Variants in POM121 observed in about 807,000 individuals in gnomAD.
The protein encoded by POM121 is nuclear envelope pore membrane protein POM 121.
Under a neutral mutation model 81.3 loss-of-function variants are expected in POM121, and 32 were observed. The observed-to-expected ratio is 0.39, with a 90% CI of 0.30 to 0.53. The LOEUF (loss-of-function observed/expected upper bound fraction) is 0.53. Ranked by LOEUF, POM121 falls within the 20% of genes least tolerant of loss-of-function variation. The pLI is 0.66. For missense variants in POM121, 1,138 were observed against 1,614.6 expected (o/e 0.70, Z 5.06); for synonymous variants, 514 against 694.2 (o/e 0.74, Z 4.08).
intron 3 of POM121, among the ~76,000 whole-genome samples, chr7:72,906,929 A>G (rs1360505406): frequency 4.0e-5 from 6 of 151,708 alleles, no homozygotes; most frequent in Admixed American, 6.6e-5. Context: ...ACACTTGGCC[A>G]TGAGTCATTT....
intron 3 of POM121, among the ~76,000 whole-genome samples, chr7:72,913,268 G>A (rs1407175930): frequency 5.9e-5 from 9 of 152,208 alleles, no homozygotes; most frequent in African/African-American, 9.7e-5. Context: ...GTGGACTTGC[G>A]GGGTCTCCCC....
rs782044453 is a variant in POM121 at position 72,926,333 on chromosome 7, A to G, written c.716A>G (p.Tyr239Cys). The G allele has an allele frequency of 1.9e-6, 3 of 1,612,060 alleles. No homozygotes were observed. The highest frequency in any genetic ancestry group is 1.3e-5 in the African/African-American group (1 of 74,864). Residue 239 changes from tyrosine (Y) to cysteine (C), a missense_variant, in exon 2 of 13, where the codon TAT (tyrosine) becomes TGT (cysteine). Around this residue, in one of 7 missense-constraint regions of POM121, gnomAD observed 646 missense variants for 633.5 expected, o/e 1.02. Transcript: ENST00000434423. ...RRRYPIHQAQ[Y>C]SCLGVLPTVC... ...CGCTATCCGATCCATCAGGCCCAGT[A>G]TTCCTGTCTGGGGGTACTTCCCACC... is the stretch of plus-strand genomic sequence containing the variant.
intron 12 of POM121, 150 bp from the exon 13 acceptor site, chr7:72,945,987 T>C (rs1386881456): frequency 2.6e-4 from 367 of 1,434,290 alleles, no homozygotes; most frequent in Non-Finnish European, 3.1e-4. Context: ...TCAGGAGGCT[T>C]CTCCCGTACA....
chr7:72,927,641 C>T (rs1408714688), intron 3 of POM121, among the ~76,000 whole-genome samples: 4 of 151,154 alleles, frequency 2.6e-5, no homozygotes, highest in East Asian at 3.9e-4. Flanking sequence ...ACCCAGGAGG[C>T]GGAGGTTGCA....
chr7:72,913,852 C>G (rs1356711642), intron 4 of POM121: 1 of 152,278 alleles, frequency 6.6e-6, no homozygotes, highest in African/African-American at 2.4e-5. Context: ...CCATCCTGCG[C>G]TTCCATGACA....
chr7:72,925,187 C>G lies in POM121; in HGVS notation c.66C>G (p.Asp22Glu). ...ERRRPIASVR[D>E]GRGRGCGGPA... ...GGCGGCCCATAGCGAGTGTCAGGGACGGCCGGGGCCGGGGCTGCGGCGGGC... is the reference window on the plus strand; with the variant it reads ...GGCGGCCCATAGCGAGTGTCAGGGAGGGCCGGGGCCGGGGCTGCGGCGGGC... The change falls in exon 1 of 13, where the codon GAC becomes GAG. Residue 22 changes from aspartate (D) to glutamate (E), a missense_variant. Asp to Glu is a conservative substitution (Grantham distance 45, BLOSUM62 2). This residue lies in a region of POM121 where 646 missense variants were observed against 633.5 expected (regional missense o/e 1.02). Transcript: ENST00000434423. 1 of 1,516,600 alleles carries G rather than the reference C, an allele frequency of 6.6e-7. No homozygotes were observed. Among genetic ancestry groups the G allele is most frequent in the South Asian group, 1.2e-5 (1 of 82,130 alleles). The allele number at this position is 1,516,600 out of a possible 1,614,324, so 93.9% of individuals were successfully genotyped here.
chr7:72,894,365 G>A (rs1791638620), intron 3 of POM121, among the ~76,000 whole-genome samples: 1 of 152,138 alleles, frequency 6.6e-6, no homozygotes, highest in Middle Eastern at 3.4e-3. Flanking sequence ...ATCACCTGAG[G>A]TCAGAAGTTC....
chr7:72,939,135 G>C (rs2429276), intron 6 of POM121, among the ~76,000 whole-genome samples: 1 of 152,228 alleles, frequency 6.6e-6, no homozygotes, highest in Non-Finnish European at 1.5e-5. Flanking sequence ...TAAGACAAAA[G>C]CTGTCTTCAT....
At chr7:72,949,268 C>T (rs1554504240), downstream of POM121, 1 of 833,172 alleles carries the variant, frequency 1.2e-6, no homozygotes, top group Non-Finnish European at 2.1e-6. Flanking sequence ...GTCTAAGCTG[C>T]TGTGGACCTC....
chr7:72,933,640 T>C (rs1322137723), intron 5 of POM121, among the ~76,000 whole-genome samples: 1 of 152,168 alleles, frequency 6.6e-6, no homozygotes, highest in African/African-American at 2.4e-5. Flanking sequence ...TTGGTACAGC[T>C]CTCTAGAGGG....
At position 72,942,266 on chromosome 7, in the gene POM121, C is replaced by A; in HGVS notation, c.2273C>A (p.Ser758Tyr). 2.5e-6 allele frequency: 4 copies of A among 1,608,168 alleles called. No individual in the cohort carries two copies. Among genetic ancestry groups the A allele is most frequent in the Non-Finnish European group, 3.4e-6 (4 of 1,179,714 alleles). ...GTCACAGCCACAGCGCCCTCCAGCT[C>A]CTCCCTCCCCACGACCACCAGCACC... ...PSVTATAPSSSSLPTTTSTTA... is the reference protein window; with the variant it reads ...PSVTATAPSSYSLPTTTSTTA... Residue 758 changes from serine (S) to tyrosine (Y), a missense_variant, in exon 11 of 13, where the codon TCC becomes TAC. Physicochemically the swap from Ser to Tyr is moderately radical, Grantham distance 144 (BLOSUM62 -2). This residue lies in a region of POM121 where 37 missense variants were observed against 62.8 expected (regional missense o/e 0.59). Coordinates refer to ENST00000434423, the MANE Select transcript of POM121 (RefSeq NM_001387691.1).
chr7:72,928,631 TTCTG>T (rs782387739), intron 4 of POM121, among the ~76,000 whole-genome samples, 166 bp downstream of exon 4: 19 of 152,278 alleles, frequency 1.2e-4, no homozygotes, highest in Non-Finnish European at 1.9e-4. Flanking sequence ...GTTAACTGCC[TTCTG>T]TCTAATTCCT....
At chr7:72,894,043 G>A (rs1342775801) in intron 3 of POM121, among the ~76,000 whole-genome samples, 2 of 152,046 alleles carry the variant, frequency 1.3e-5, no homozygotes, top group African/African-American at 4.8e-5. Context: ...AGGCTGAGGC[G>A]GGTGGATCAC....
At chr7:72,938,766 C>G (rs1796772684) in intron 6 of POM121, 85 bp downstream of exon 6, 22 of 1,430,872 alleles carry the variant, frequency 1.5e-5, no homozygotes, top group Non-Finnish European at 2.0e-5. Context: ...GGCTCTTAGG[C>G]TTTGTGCTGC....
Position 72,948,005 on chromosome 7 carries a change from G to A in POM121, c.*1771G>A, listed in dbSNP as rs1402895820. 3.5e-6 allele frequency: 4 copies of A among 1,130,060 alleles called. No individual in the cohort carries two copies. In the Admixed American group the frequency reaches 1.8e-4, roughly 50 times the overall value. The allele number at this position is 1,130,060 out of a possible 1,614,324, so 70.0% of individuals were successfully genotyped here. A position where few individuals can be genotyped will look rare whatever the true frequency, so the allele number is the denominator to read the frequency against. The stretch of plus-strand genomic sequence containing the variant: ...CTGTTAGGATTGGAGGGTCTGGGTG[G>A]GCCTGGGCCTAGCAATCAAGCTTCT... On this transcript the variant is annotated 3_prime_UTR_variant, in exon 13 of 13. Transcript: ENST00000434423.
At chr7:72,880,925 AT>A (rs587741171) in intron 1 of POM121, among the ~76,000 whole-genome samples, 78,571 of 84,702 alleles carry the variant, frequency 0.93, 37,515 homozygotes, top group East Asian at 1. Flanking sequence ...TATAATGGGA[AT>A]TTTTTTTTCT....
upstream of POM121, among the ~76,000 whole-genome samples, chr7:72,923,589 ATTTTTTT>A (rs1187827150): frequency 2.1e-4 from 19 of 88,762 alleles, no homozygotes; most frequent in East Asian, 1.5e-3. Context: ...CGCCCGGCTA[ATTTTTTT>A]TTTTTTTTTT....
chr7:72,894,679 G>A, intron 3 of POM121, among the ~76,000 whole-genome samples: 1 of 139,070 alleles, frequency 7.2e-6, no homozygotes, highest in Non-Finnish European at 1.6e-5. Context: ...GAGAGAGAGA[G>A]AGATCTCCGT....
intron 8 of POM121, among the ~76,000 whole-genome samples, chr7:72,940,178 C>T (rs1251514253): frequency 6.7e-6 from 1 of 149,778 alleles, no homozygotes; most frequent in African/African-American, 2.5e-5. Context: ...AATTCTCCTG[C>T]CTCAGCCTCC....
Sources: gnomAD v4.1 joint callset for allele counts (sites outside exome capture counted in the v4.1 genomes callset) on GRCh38, gnomAD v4.1.1 for gene constraint, gnomAD v4.1.1 regional missense constraint, MANE v1.5 for transcripts, NCBI Gene and HGNC (gene_info 2026-07-23, HGNC 2026-07-21) for gene names.